Variants in NRG3 observed in about 807,000 individuals in gnomAD.
NRG3 encodes neuregulin 3.
In NRG3, 31 loss-of-function variants were observed where a neutral mutation model predicts 66.9. The ratio of observed to expected loss-of-function variants is 0.46; its 90% CI spans 0.35 to 0.63. The LOEUF is 0.63. Ranked by LOEUF, NRG3 falls within the 20% of genes least tolerant of loss-of-function variation. NRG3 has a pLI of 0.00. For missense variants in NRG3, 910 were observed against 878.9 expected, an observed-to-expected ratio of 1.04 and a Z score of -0.45; for synonymous variants, 393 against 359.4, an observed-to-expected ratio of 1.09 and a Z score of -1.06.
At chr10:82,576,235 C>A (rs1306180799) in intron 2 of NRG3, among the ~76,000 whole-genome samples, 1 of 151,614 alleles carries the variant, frequency 6.6e-6, no homozygotes, top group Admixed American at 6.6e-5. Flanking sequence ...TATATTCCTA[C>A]ATTTTAAATA....
chr10:82,817,261 C>A (rs1368381557), intron 3 of NRG3, among the ~76,000 whole-genome samples: 2 of 152,162 alleles, frequency 1.3e-5, no homozygotes, highest in African/African-American at 2.4e-5. Context: ...ATCTCTCAAG[C>A]TACAGATTTC....
At chr10:82,019,571 A>C (rs1177479528) in intron 1 of NRG3, among the ~76,000 whole-genome samples, 1 of 151,690 alleles carries the variant, frequency 6.6e-6, no homozygotes, top group African/African-American at 2.4e-5. Context: ...TGGTCCTGGA[A>C]TTTTTTTGGT....
intron 1 of NRG3, among the ~76,000 whole-genome samples, chr10:81,935,020 C>T (rs1225142245): frequency 1.3e-5 from 2 of 152,194 alleles, no homozygotes; most frequent in Non-Finnish European, 2.9e-5. Flanking sequence ...TCACCCAAAA[C>T]ATTTAAGCCA....
intron 2 of NRG3, among the ~76,000 whole-genome samples, chr10:82,646,391 C>T (rs1166928941): frequency 6.6e-6 from 1 of 152,140 alleles, no homozygotes; most frequent in Non-Finnish European, 1.5e-5. Flanking sequence ...TCAACCTTCA[C>T]TGTGTTCCAA....
rs372903256 is a variant in NRG3 at position 82,025,598 on chromosome 10, T to A, written c.823+149435T>A. ...GAAGTTTGTATTTTCCATTTGTGTT[T>A]CCCTTAGCAGGGACTGCCTGTTCCC... On this transcript the variant is annotated intron_variant, in intron 1 of 8. Transcript: ENST00000372141. Among the ~76,000 whole-genome samples, 4 of 152,214 alleles carry A rather than the reference T, an allele frequency of 2.6e-5. No individual in the cohort carries two copies. The East Asian group carries it at 7.7e-4, about 29-fold the overall frequency.
intron 1 of NRG3, among the ~76,000 whole-genome samples, chr10:82,350,960 C>T (rs956266883): frequency 2.0e-5 from 3 of 151,634 alleles, no homozygotes; most frequent in South Asian, 2.1e-4. Context: ...GGCGCGATCT[C>T]GGCTCACTGC....
At chr10:82,616,504 C>T (rs2048659417) in intron 2 of NRG3, among the ~76,000 whole-genome samples, 1 of 152,146 alleles carries the variant, frequency 6.6e-6, no homozygotes, top group Non-Finnish European at 1.5e-5. Flanking sequence ...ATACAAGAAA[C>T]TTTATTTGAA....
At chr10:82,572,087 T>G (rs1043536330) in intron 2 of NRG3, among the ~76,000 whole-genome samples, 4 of 151,758 alleles carry the variant, frequency 2.6e-5, no homozygotes, top group African/African-American at 9.7e-5. Context: ...ATTTCTATGC[T>G]TCACAAAAAA....
intron 2 of NRG3, among the ~76,000 whole-genome samples, chr10:82,671,177 C>G (rs1199021228): frequency 6.6e-6 from 1 of 152,232 alleles, no homozygotes; most frequent in Non-Finnish European, 1.5e-5. Flanking sequence ...CTTCAGCGTA[C>G]TATGGCCTTA....
intron 1 of NRG3, among the ~76,000 whole-genome samples, chr10:82,256,301 A>G (rs930757752): frequency 6.6e-6 from 1 of 152,206 alleles, no homozygotes; most frequent in Non-Finnish European, 1.5e-5. Context: ...GCTGTGGTCT[A>G]AAAATACTCA....
rs2060058835 is a variant in NRG3 at position 82,780,054 on chromosome 10, T to A, written c.1027+41404T>A. Among the ~76,000 whole-genome samples, 2 of 152,178 alleles carry A rather than the reference T, an allele frequency of 1.3e-5. 1 individual carries two copies. Among genetic ancestry groups the A allele is most frequent in the South Asian group, 4.1e-4 (2 of 4,828 alleles). On this transcript the variant is annotated intron_variant, in intron 3 of 8. Coordinates refer to ENST00000372141, the MANE Select transcript of NRG3 (RefSeq NM_001010848.4). Reference sequence around the variant, plus strand: ...TGTTCCTGCAAAGGACATGAACTCATCCTTTCTTATGGCTGCATAGTATTC... The same window carrying A: ...TGTTCCTGCAAAGGACATGAACTCAACCTTTCTTATGGCTGCATAGTATTC...
At chr10:82,453,151 A>ATATG (rs2091101835) in intron 2 of NRG3, among the ~76,000 whole-genome samples, 1 of 152,140 alleles carries the variant, frequency 6.6e-6, no homozygotes, top group Non-Finnish European at 1.5e-5. Context: ...TATTATTATT[A>ATATG]TATGGGATTA....
At chr10:82,035,220 C>T (rs572884009) in intron 1 of NRG3, among the ~76,000 whole-genome samples, 1 of 152,076 alleles carries the variant, frequency 6.6e-6, no homozygotes, top group Non-Finnish European at 1.5e-5. Flanking sequence ...CCTGCTCCAT[C>T]ACCAAAATGC....
At chr10:81,926,815 T>C (rs1208350319) in intron 1 of NRG3, among the ~76,000 whole-genome samples, 2 of 152,210 alleles carry the variant, frequency 1.3e-5, no homozygotes, top group Non-Finnish European at 2.9e-5. Flanking sequence ...AGATGTACCC[T>C]GACTGCCACT....
chr10:82,477,901 G>A (rs1340165844), intron 2 of NRG3, among the ~76,000 whole-genome samples: 3 of 152,146 alleles, frequency 2.0e-5, no homozygotes, highest in East Asian at 1.9e-4. Context: ...CAATGACTCT[G>A]GGACATCTGA....
intron 1 of NRG3, among the ~76,000 whole-genome samples, chr10:81,912,303 CCTGAAACTGCTGGG>C (rs1004544635): frequency 6.6e-6 from 1 of 152,128 alleles, no homozygotes; most frequent in Non-Finnish European, 1.5e-5. Context: ...CTCACCGTAG[CCTGAAACTGCTGGG>C]CTGAAGTGAT....
At chr10:82,657,997 C>T (rs2133940144) in intron 2 of NRG3, among the ~76,000 whole-genome samples, 1 of 151,586 alleles carries the variant, frequency 6.6e-6, no homozygotes, top group Non-Finnish European at 1.5e-5. Flanking sequence ...TCTGATTCTA[C>T]ACAAACTCTT....
At chr10:82,484,561 T>C (rs1564976439) in intron 2 of NRG3, among the ~76,000 whole-genome samples, 2 of 152,228 alleles carry the variant, frequency 1.3e-5, no homozygotes, top group Admixed American at 1.3e-4. Flanking sequence ...GTTTGTCCCT[T>C]ACATAAGCTA....
chr10:82,384,874 A>G (rs964046312), intron 2 of NRG3, among the ~76,000 whole-genome samples: 2 of 152,190 alleles, frequency 1.3e-5, no homozygotes, highest in Non-Finnish European at 2.9e-5. Context: ...ACAATGGTTG[A>G]ACTAATTTAC....
Sources: gnomAD v4.1 joint callset for allele counts (sites outside exome capture counted in the v4.1 genomes callset) on GRCh38, gnomAD v4.1.1 for gene constraint, MANE v1.5 for transcripts, NCBI Gene and HGNC (gene_info 2026-07-23, HGNC 2026-07-21) for gene names.